IKZF2: variants seen among roughly 807,000 people sequenced by gnomAD.
The protein encoded by IKZF2 is zinc finger protein Helios.
A neutral mutation model predicts 49.2 loss-of-function variants in IKZF2; 15 were observed. The ratio of observed to expected loss-of-function variants is 0.30; its 90% CI spans 0.20 to 0.47. The LOEUF (loss-of-function observed/expected upper bound fraction) is 0.47, where lower values mean the gene tolerates loss of function less well. Ranked by LOEUF, IKZF2 falls within the 20% of genes least tolerant of loss-of-function variation. IKZF2 has a pLI of 1.00. For synonymous variants in IKZF2, 227 were observed against 221.4 expected (o/e 1.03, Z -0.23); for missense variants, 567 against 664.6 (o/e 0.85, Z 1.61).
chr2:213,106,275 A>G (rs1196604220), intron 4 of IKZF2, among the ~76,000 whole-genome samples: 1 of 151,998 alleles, frequency 6.6e-6, no homozygotes, highest in East Asian at 1.9e-4. Context: ...GACGGCACCA[A>G]TCTATTTTTC....
chr2:213,004,920 T>A lies in IKZF2; in HGVS notation c.*2440A>T, dbSNP rs1177257304. The stretch of plus-strand genomic sequence containing the variant: ...AAAAGGAAAGTGCCTCAGCACTGTC[T>A]TCATAAGGTTTAGGGTCCACCTAAA... On this transcript the variant is annotated 3_prime_UTR_variant, in exon 9 of 9. Transcript: ENST00000434687. 1 of 152,340 alleles carries A rather than the reference T, an allele frequency of 6.6e-6. No individual in the cohort carries two copies. The highest frequency in any genetic ancestry group is 1.5e-5 in the Non-Finnish European group (1 of 67,934). The allele number at this position is 152,340 out of a possible 1,614,324, so 9.4% of individuals were successfully genotyped here. A position where few individuals can be genotyped will look rare whatever the true frequency, so the allele number is the denominator to read the frequency against.
At chr2:213,123,761 C>T (rs1559302989) in intron 4 of IKZF2, among the ~76,000 whole-genome samples, 1 of 152,000 alleles carries the variant, frequency 6.6e-6, no homozygotes, top group African/African-American at 2.4e-5. Flanking sequence ...TGGAAAAAGA[C>T]ATAATATATA....
chr2:213,066,018 T>G (rs1206442251), intron 4 of IKZF2, among the ~76,000 whole-genome samples: 1 of 152,134 alleles, frequency 6.6e-6, no homozygotes, highest in East Asian at 1.9e-4. Flanking sequence ...GAGCGTGGAT[T>G]TTATTTCATA....
intron 6 of IKZF2, among the ~76,000 whole-genome samples, chr2:213,023,689 G>C (rs976638647): frequency 5.3e-5 from 8 of 152,006 alleles, no homozygotes; most frequent in African/African-American, 1.4e-4. Flanking sequence ...CTCAGTTTTG[G>C]GTTCTTCTGT....
At chr2:213,123,259 G>C (rs1260765908) in intron 4 of IKZF2, among the ~76,000 whole-genome samples, 1 of 152,146 alleles carries the variant, frequency 6.6e-6, no homozygotes, top group Non-Finnish European at 1.5e-5. Context: ...TCCTTCATGT[G>C]AGTTTTGTAA....
chr2:213,055,246 C>G (rs1356526797), intron 5 of IKZF2, among the ~76,000 whole-genome samples: 1 of 151,800 alleles, frequency 6.6e-6, no homozygotes, highest in Non-Finnish European at 1.5e-5. Context: ...TATATTATAA[C>G]TTTGTGGAAC....
At position 213,007,263 on chromosome 2, in the gene IKZF2, G is replaced by C; in HGVS notation, c.*97C>G. 7.7e-7 allele frequency: 1 copy of C among 1,293,270 alleles called. No individual in the cohort carries two copies. Among genetic ancestry groups the C allele is most frequent in the Non-Finnish European group, 1.1e-6 (1 of 938,286 alleles). 80.1% of individuals were successfully genotyped at this position (1,293,270 alleles called of 1,614,324 possible). On this transcript the variant is annotated 3_prime_UTR_variant, in exon 9 of 9. Transcript: ENST00000434687. ...AGTAATAATATTAAAAAAAATAAAA[G>C]GTATGTCAACATTTGAGGAAAGGTG...
At chr2:213,079,800 G>T (rs1452406047) in intron 4 of IKZF2, among the ~76,000 whole-genome samples, 1 of 152,070 alleles carries the variant, frequency 6.6e-6, no homozygotes, top group Non-Finnish European at 1.5e-5. Flanking sequence ...CCACCTTAAG[G>T]CATCTAATTA....
At chr2:213,092,963 A>G (rs1042730179) in intron 4 of IKZF2, among the ~76,000 whole-genome samples, 2 of 152,184 alleles carry the variant, frequency 1.3e-5, no homozygotes, top group Non-Finnish European at 2.9e-5. Flanking sequence ...TTTACAGAGC[A>G]GAATACAAGT....
chr2:213,060,710 C>T (rs987960902), intron 4 of IKZF2, among the ~76,000 whole-genome samples: 3 of 151,362 alleles, frequency 2.0e-5, no homozygotes, highest in African/African-American at 7.2e-5. Flanking sequence ...CCAGAACAAA[C>T]TGTTAGCAAT....
At chr2:213,037,182 A>G (rs1488726761) in intron 6 of IKZF2, among the ~76,000 whole-genome samples, 1 of 152,064 alleles carries the variant, frequency 6.6e-6, no homozygotes, top group African/African-American at 2.4e-5. Context: ...TAGATTATTC[A>G]GAACAATGAG....
chr2:213,076,475 C>T (rs552179115), intron 4 of IKZF2, among the ~76,000 whole-genome samples: 13 of 152,114 alleles, frequency 8.5e-5, no homozygotes, highest in Non-Finnish European at 1.5e-4. Context: ...ACTGATATAA[C>T]ATCTATCGAT....
At chr2:213,034,206 G>T (rs1044642736) in intron 6 of IKZF2, among the ~76,000 whole-genome samples, 2 of 152,154 alleles carry the variant, frequency 1.3e-5, no homozygotes, top group Non-Finnish European at 2.9e-5. Context: ...TGTTGTGGCT[G>T]GTTTGATCTT....
At chr2:213,072,395 G>C (rs1702807530) in intron 4 of IKZF2, among the ~76,000 whole-genome samples, 1 of 149,240 alleles carries the variant, frequency 6.7e-6, no homozygotes, top group African/African-American at 2.5e-5. Context: ...CAAATATATT[G>C]AGTAAAACTT....
intron 4 of IKZF2, among the ~76,000 whole-genome samples, chr2:213,101,732 T>C (rs1418559901): frequency 6.6e-6 from 1 of 152,208 alleles, no homozygotes; most frequent in Non-Finnish European, 1.5e-5. Flanking sequence ...AATCAGTCTC[T>C]GTATTCCATC....
intron 6 of IKZF2, among the ~76,000 whole-genome samples, chr2:213,048,527 A>G (rs913060610): frequency 2.6e-5 from 4 of 152,124 alleles, no homozygotes; most frequent in Non-Finnish European, 5.9e-5. Context: ...AACTTTTCAT[A>G]AGAAAACACT....
At chr2:213,121,330 A>G (rs1480414487) in intron 4 of IKZF2, among the ~76,000 whole-genome samples, 1 of 152,216 alleles carries the variant, frequency 6.6e-6, no homozygotes, top group Non-Finnish European at 1.5e-5. Flanking sequence ...TCAACCAGGT[A>G]AGTATTTGTA....
At chr2:213,046,132 G>A (rs1003354312) in intron 6 of IKZF2, among the ~76,000 whole-genome samples, 2 of 152,108 alleles carry the variant, frequency 1.3e-5, no homozygotes, top group Admixed American at 1.3e-4. Context: ...ACTTGCTAAT[G>A]AACTTTGGTT....
chr2:213,149,350 T>TAA (rs539002646), intron 2 of IKZF2, among the ~76,000 whole-genome samples: 9 of 141,734 alleles, frequency 6.3e-5, no homozygotes, highest in African/African-American at 2.1e-4. Context: ...GAGAATCATT[T>TAA]AAAAAAAAAA....
Sources: allele counts gnomAD v4.1 joint callset (sites outside exome capture counted in the v4.1 genomes callset), GRCh38; gene constraint gnomAD v4.1.1; transcripts MANE v1.5; gene names NCBI Gene and HGNC (gene_info 2026-07-23, HGNC 2026-07-21).